ASTN2: variants seen among roughly 807,000 people sequenced by gnomAD.
ASTN2 encodes the protein astrotactin 2.
A neutral mutation model predicts 139.8 loss-of-function variants in ASTN2; 54 were observed. That is an observed-to-expected ratio of 0.39 (90% CI 0.31 to 0.48). The LOEUF (loss-of-function observed/expected upper bound fraction) is 0.48. Ranked by LOEUF, ASTN2 falls within the 20% of genes least tolerant of loss-of-function variation. The pLI is 0.95. For missense variants in ASTN2, 1,565 were observed against 1,725.1 expected (o/e 0.91, Z 1.64); for synonymous variants, 756 against 719.5 (o/e 1.05, Z -0.81).
intron 12 of ASTN2, among the ~76,000 whole-genome samples, chr9:116,815,830 T>TAAAAAAAAAAAAAAAA (rs1831312970): frequency 4.8e-5 from 2 of 41,882 alleles, no homozygotes; most frequent in Non-Finnish European, 1.0e-4. Context: ...AAAAAAAAAG[T>TAAAAAAAAAAAAAAAA]TGATGAAATG....
At chr9:117,261,743 G>T (rs1290846283) in intron 2 of ASTN2, among the ~76,000 whole-genome samples, 1 of 152,110 alleles carries the variant, frequency 6.6e-6, no homozygotes, top group Non-Finnish European at 1.5e-5. Context: ...GAGTGAAATT[G>T]GTTAGGATTT....
intron 19 of ASTN2, among the ~76,000 whole-genome samples, chr9:116,595,093 A>C (rs542347677): frequency 6.6e-6 from 1 of 152,372 alleles, no homozygotes; most frequent in South Asian, 2.1e-4. Flanking sequence ...CCCTTAAGTA[A>C]GTGACTATGC....
intron 17 of ASTN2, among the ~76,000 whole-genome samples, chr9:116,649,391 G>A (rs1857778778): frequency 6.6e-6 from 1 of 151,770 alleles, no homozygotes; most frequent in Non-Finnish European, 1.5e-5. Flanking sequence ...TGACCAACAT[G>A]GTGAAACCCC....
chr9:117,083,719 A>T (rs1321169578), intron 5 of ASTN2, among the ~76,000 whole-genome samples: 3 of 152,146 alleles, frequency 2.0e-5, no homozygotes, highest in Admixed American at 1.3e-4. Flanking sequence ...AAAGCAAGAG[A>T]GACTGATTAT....
At chr9:116,902,394 G>A (rs917921411) in intron 10 of ASTN2, among the ~76,000 whole-genome samples, 1 of 152,172 alleles carries the variant, frequency 6.6e-6, no homozygotes, top group Admixed American at 6.5e-5. Flanking sequence ...TGTGTTTCAA[G>A]ATGTGTTACA....
chr9:116,770,127 G>T (rs1431985417), intron 13 of ASTN2, among the ~76,000 whole-genome samples: 3 of 144,722 alleles, frequency 2.1e-5, no homozygotes, highest in African/African-American at 7.6e-5. Context: ...AAACTAAAAA[G>T]CTACCGCAAG....
At chr9:116,537,330 A>C (rs992142418) in intron 19 of ASTN2, among the ~76,000 whole-genome samples, 1 of 152,208 alleles carries the variant, frequency 6.6e-6, no homozygotes, top group African/African-American at 2.4e-5. Flanking sequence ...GTTCTCCAAA[A>C]TTTATTCATG....
At chr9:117,086,008 T>A (rs1037223099) in intron 5 of ASTN2, among the ~76,000 whole-genome samples, 3 of 152,222 alleles carry the variant, frequency 2.0e-5, no homozygotes, top group Non-Finnish European at 4.4e-5. Flanking sequence ...AGAAGAATAA[T>A]CCCTTCTCCT....
chr9:117,296,031 G>A (rs1834723886), intron 1 of ASTN2, among the ~76,000 whole-genome samples: 1 of 152,024 alleles, frequency 6.6e-6, no homozygotes, highest in South Asian at 2.1e-4. Context: ...TGTAATACCT[G>A]CACTTTGGGA....
intron 20 of ASTN2, among the ~76,000 whole-genome samples, chr9:116,476,313 T>G (rs1848979886): frequency 1.3e-5 from 2 of 152,330 alleles, no homozygotes; most frequent in Admixed American, 1.3e-4. Context: ...TAAATACATC[T>G]GCAAAGATGA....
At chr9:116,597,480 C>T (rs184663251) in intron 19 of ASTN2, among the ~76,000 whole-genome samples, 38 of 151,664 alleles carry the variant, frequency 2.5e-4, no homozygotes, top group African/African-American at 8.2e-4. Flanking sequence ...TTAGTAGAGA[C>T]GGGCTTTCAC....
At chr9:116,947,389 G>C (rs1203040165) in intron 10 of ASTN2, among the ~76,000 whole-genome samples, 1 of 152,014 alleles carries the variant, frequency 6.6e-6, no homozygotes, top group East Asian at 1.9e-4. Flanking sequence ...CTTCCCAAAG[G>C]GATTGCATTG....
At chr9:116,504,508 ATACT>A (rs374103914) in intron 19 of ASTN2, among the ~76,000 whole-genome samples, 19 of 152,188 alleles carry the variant, frequency 1.2e-4, no homozygotes, top group South Asian at 2.1e-4. Context: ...ATCTTTTCTG[ATACT>A]TACAGTAACC....
At chr9:117,349,180 G>A (rs188473681) in intron 1 of ASTN2, among the ~76,000 whole-genome samples, 40 of 152,264 alleles carry the variant, frequency 2.6e-4, no homozygotes, top group Admixed American at 2.0e-3. Flanking sequence ...GGAAGCTGCC[G>A]GGGCGGGTGA....
At chr9:117,048,604 C>T (rs1838814213) in intron 5 of ASTN2, among the ~76,000 whole-genome samples, 1 of 152,138 alleles carries the variant, frequency 6.6e-6, no homozygotes, top group Admixed American at 6.6e-5. Flanking sequence ...GCTGGGCTTG[C>T]AAGTGCAAAG....
intron 2 of ASTN2, among the ~76,000 whole-genome samples, chr9:117,262,161 GATC>G (rs1205829406): frequency 2.6e-5 from 4 of 152,050 alleles, no homozygotes; most frequent in African/African-American, 9.7e-5. Flanking sequence ...CATTAGCAGG[GATC>G]ATCAATTTTT....
intron 1 of ASTN2, among the ~76,000 whole-genome samples, chr9:117,392,833 G>A (rs1830577667): frequency 6.6e-6 from 1 of 152,204 alleles, no homozygotes; most frequent in East Asian, 1.9e-4. Flanking sequence ...AGAGGAGGTT[G>A]AGAAAGAGGA....
chr9:117,389,013 T>C (rs891294192), intron 1 of ASTN2, among the ~76,000 whole-genome samples: 1 of 152,214 alleles, frequency 6.6e-6, no homozygotes, highest in African/African-American at 2.4e-5. Context: ...GTTTAACTAA[T>C]CCTTACTGTG....
intron 6 of ASTN2, among the ~76,000 whole-genome samples, chr9:117,036,550 T>C (rs1838389638): frequency 6.6e-6 from 1 of 152,016 alleles, no homozygotes; most frequent in Non-Finnish European, 1.5e-5. Context: ...ACTCCAATCA[T>C]CTCCTCTATA....
Sources: gnomAD v4.1 joint callset for allele counts (sites outside exome capture counted in the v4.1 genomes callset) on GRCh38, gnomAD v4.1.1 for gene constraint, MANE v1.5 for transcripts, NCBI Gene and HGNC (gene_info 2026-07-23, HGNC 2026-07-21) for gene names.